Variants in LRRTM4 observed in about 807,000 individuals in gnomAD.
The protein encoded by LRRTM4 is leucine rich repeat transmembrane neuronal 4, also known as leucine-rich repeat transmembrane neuronal protein 4.
In LRRTM4, 25 loss-of-function variants were observed where a neutral mutation model predicts 47.6. The ratio of observed to expected loss-of-function variants is 0.53; its 90% confidence interval spans 0.38 to 0.73. The LOEUF is 0.73. Ranked by LOEUF, LRRTM4 falls within the 30% of genes least tolerant of loss-of-function variation. The pLI, the probability that LRRTM4 is intolerant of heterozygous loss-of-function variation, is 0.00. For missense variants in LRRTM4, 638 were observed against 713.4 expected (o/e 0.89, Z 1.20); for synonymous variants, 311 against 269.5 (o/e 1.15, Z -1.51).
At chr2:77,313,196 G>A (rs1035135397) in intron 3 of LRRTM4, among the ~76,000 whole-genome samples, 1 of 150,388 alleles carries the variant, frequency 6.6e-6, no homozygotes, top group Non-Finnish European at 1.5e-5. Context: ...GAGACCTGTT[G>A]TGGTGATGTG....
chr2:77,150,715 G>A (rs1672395109), intron 3 of LRRTM4, among the ~76,000 whole-genome samples: 1 of 152,118 alleles, frequency 6.6e-6, no homozygotes, highest in African/African-American at 2.4e-5. Flanking sequence ...GGGTGGCTCA[G>A]GAGCAGAGGT....
At chr2:77,004,157 G>A (rs1243182521) in intron 3 of LRRTM4, among the ~76,000 whole-genome samples, 3 of 152,168 alleles carry the variant, frequency 2.0e-5, no homozygotes, top group African/African-American at 7.2e-5. Context: ...CATTTTCTGG[G>A]GAGAAATTCA....
At chr2:76,852,674 T>A (rs1378843591) in intron 3 of LRRTM4, among the ~76,000 whole-genome samples, 1 of 152,194 alleles carries the variant, frequency 6.6e-6, no homozygotes, top group African/African-American at 2.4e-5. Context: ...ATTTCAACTT[T>A]CCTGGTCCTG....
intron 3 of LRRTM4, among the ~76,000 whole-genome samples, chr2:77,220,505 C>T (rs1573096586): frequency 6.6e-6 from 1 of 152,118 alleles, no homozygotes; most frequent in Admixed American, 6.6e-5. Context: ...CAGAGAAGTC[C>T]TTAAAGGACC....
At chr2:77,006,985 AG>A (rs1019932044) in intron 3 of LRRTM4, among the ~76,000 whole-genome samples, 13 of 152,144 alleles carry the variant, frequency 8.5e-5, no homozygotes, top group Admixed American at 7.2e-4. Context: ...TGAGCTTTAT[AG>A]AAAGAGGAAT....
At chr2:76,801,082 G>C (rs201166601) in intron 3 of LRRTM4, among the ~76,000 whole-genome samples, 2 of 150,406 alleles carry the variant, frequency 1.3e-5, no homozygotes, top group African/African-American at 4.9e-5. Flanking sequence ...AAACTAGTTC[G>C]ACCATTGTGG....
intron 3 of LRRTM4, among the ~76,000 whole-genome samples, chr2:77,041,264 T>C (rs75456117): frequency 0.018 from 2,675 of 151,706 alleles, 62 homozygotes; most frequent in African/African-American, 0.052. Context: ...CATTCTTTCT[T>C]ATGGCCAAAT....
chr2:77,384,836 G>A (rs1355903707), intron 3 of LRRTM4, among the ~76,000 whole-genome samples: 1 of 152,084 alleles, frequency 6.6e-6, no homozygotes, highest in Non-Finnish European at 1.5e-5. Context: ...CAGATTTAAA[G>A]TTAGTATATG....
intron 3 of LRRTM4, among the ~76,000 whole-genome samples, chr2:76,842,302 G>T (rs542885091): frequency 1.3e-5 from 2 of 152,066 alleles, no homozygotes; most frequent in Non-Finnish European, 2.9e-5. Context: ...ATACTACACC[G>T]CTGGCTTTCC....
chr2:77,121,204 T>C (rs1671512960), intron 3 of LRRTM4, among the ~76,000 whole-genome samples: 1 of 151,814 alleles, frequency 6.6e-6, no homozygotes, highest in Admixed American at 6.6e-5. Context: ...AGCTCTATTA[T>C]CCTAAATTTT....
intron 3 of LRRTM4, among the ~76,000 whole-genome samples, chr2:76,979,987 C>T (rs144067722): frequency 3.5e-3 from 531 of 152,136 alleles, no homozygotes; most frequent in South Asian, 5.0e-3. Flanking sequence ...GATGATTTGT[C>T]GCTGGCAGGG....
chr2:76,947,646 C>A (rs1306959868), intron 3 of LRRTM4, among the ~76,000 whole-genome samples: 11 of 151,640 alleles, frequency 7.3e-5, no homozygotes, highest in African/African-American at 2.4e-4. Context: ...TTTGTATACA[C>A]CCATGCATAC....
At chr2:77,321,728 G>A (rs1677799315) in intron 3 of LRRTM4, among the ~76,000 whole-genome samples, 1 of 152,074 alleles carries the variant, frequency 6.6e-6, no homozygotes, top group Non-Finnish European at 1.5e-5. Flanking sequence ...CAGGAAAGGA[G>A]TGATGATTTT....
At chr2:77,008,884 C>T (rs1168511946) in intron 3 of LRRTM4, 2 of 148,484 alleles carry the variant, frequency 1.3e-5, no homozygotes, top group African/African-American at 4.9e-5. Context: ...TTCTGTCTAA[C>T]ACTTTACTGT....
rs960849946 is a variant in LRRTM4 at position 77,149,069 on chromosome 2, C to T, written c.1551+369249G>A. Among the ~76,000 whole-genome samples the T allele has an allele frequency of 5.3e-5, 8 of 152,098 alleles. No homozygotes were observed. The South Asian group carries it at 1.7e-3, about 32-fold the overall frequency. On this transcript the variant is annotated intron_variant, in intron 3 of 3. Transcript: ENST00000409884. ...ATATTCACACCATGATTTTCTATGC[C>T]AAGAATCAAGACCTGTATTAGTAAG...
At chr2:76,904,708 C>T (rs1190044853) in intron 3 of LRRTM4, among the ~76,000 whole-genome samples, 6 of 152,086 alleles carry the variant, frequency 3.9e-5, no homozygotes, top group African/African-American at 1.4e-4. Context: ...CAAACTGACA[C>T]TCAAACTCCA....
intron 3 of LRRTM4, among the ~76,000 whole-genome samples, chr2:76,948,107 T>C (rs1675381712): frequency 6.6e-6 from 1 of 151,874 alleles, no homozygotes; most frequent in Non-Finnish European, 1.5e-5. Flanking sequence ...GTATCGTATC[T>C]ACGAGTTTCA....
At chr2:77,010,417 A>G (rs911702594) in intron 3 of LRRTM4, among the ~76,000 whole-genome samples, 5 of 151,638 alleles carry the variant, frequency 3.3e-5, no homozygotes, top group Admixed American at 3.3e-4. Context: ...TCTTTCACTT[A>G]GCATAATGTC....
chr2:77,406,841 A>C (rs942179301), intron 3 of LRRTM4, among the ~76,000 whole-genome samples: 1 of 152,108 alleles, frequency 6.6e-6, no homozygotes, highest in Non-Finnish European at 1.5e-5. Flanking sequence ...AAATACTGGA[A>C]TACAGTAATC....
Sources: gnomAD v4.1 joint callset for allele counts (sites outside exome capture counted in the v4.1 genomes callset) on GRCh38, gnomAD v4.1.1 for gene constraint, MANE v1.5 for transcripts, NCBI Gene and HGNC (gene_info 2026-07-23, HGNC 2026-07-21) for gene names.